UBXN8: variants seen among roughly 807,000 people sequenced by gnomAD.
The protein encoded by UBXN8 is UBX domain-containing protein 8.
A neutral mutation model predicts 32.1 loss-of-function variants in UBXN8; 27 were observed. The observed-to-expected ratio is 0.84, with a 90% CI of 0.62 to 1.16. The LOEUF (loss-of-function observed/expected upper bound fraction) is 1.16, where lower values mean the gene tolerates loss of function less well. UBXN8 is among the 50% of genes most tolerant of loss of function. The probability of loss-of-function intolerance (pLI) is 0.00; values close to 1 mark genes in which losing one functional copy is unlikely to be tolerated. For missense variants in UBXN8, 306 were observed against 311.4 expected (o/e 0.98, Z 0.13); for synonymous variants, 109 against 111.8 (o/e 0.98, Z 0.16).
Position 30,763,316 on chromosome 8 carries a change from G to A in UBXN8, c.614G>A (p.Arg205Lys), listed in dbSNP as rs781653859. The change falls in exon 7 of 8, where the codon AGG becomes AAG. Residue 205 changes from arginine (R) to lysine (K), a missense_variant. Coordinates refer to ENST00000265616, the MANE Select transcript of UBXN8 (RefSeq NM_005671.4). ...CGATGTCCCAGTGGGAATGTCCTGA[G>A]GAGAAGGTTTTTGAAGTCCTACAGC... ...ALRCPSGNVL[R>K]RRFLKSYSSQ... 1.2e-6 allele frequency: 2 copies of A among 1,613,848 alleles called. No individual in the cohort carries two copies. Among genetic ancestry groups the A allele is most frequent in the Non-Finnish European group, 1.7e-6 (2 of 1,179,724 alleles).
Position 30,766,478 on chromosome 8 carries a change from A to AC in UBXN8, c.*85dup. On this transcript the variant is annotated 3_prime_UTR_variant, in exon 8 of 8. Coordinates refer to ENST00000265616, the MANE Select transcript of UBXN8 (RefSeq NM_005671.4). ...AATAAAGGCTTCACTTTCAAATCACACTATACCTTGATTGAGCTCATGGCA... is the reference window on the plus strand; with the variant it reads ...AATAAAGGCTTCACTTTCAAATCACACCTATACCTTGATTGAGCTCATGGCA... 1 of 1,389,096 alleles carries AC rather than the reference A, an allele frequency of 7.2e-7. No homozygotes were observed. Among genetic ancestry groups the AC allele is most frequent in the Non-Finnish European group, 9.5e-7 (1 of 1,051,486 alleles). The allele number at this position is 1,389,096 out of a possible 1,614,324, so 86.0% of individuals were successfully genotyped here. A position where few individuals can be genotyped will look rare whatever the true frequency, so the allele number is the denominator to read the frequency against.
At chr8:30,760,419 TC>T (rs1278473279) in intron 5 of UBXN8, among the ~76,000 whole-genome samples, 1 of 55,094 alleles carries the variant, frequency 1.8e-5, no homozygotes, top group African/African-American at 5.0e-5. Flanking sequence ...GCATACACAA[TC>T]ATATATATAT....
exon 1 of UBXN8, chr8:30,733,181 A>G (rs1414042916): frequency 6.6e-6 from 1 of 152,256 alleles, no homozygotes; most frequent in Non-Finnish European, 1.5e-5. Flanking sequence ...ACCCACAAGG[A>G]GAGAGATTTG....
rs67334347 is a variant in UBXN8, at chr8:30,747,894, C to CTTTTTTTTTTTTTTTTTTTT, written c.89-3497_89-3478dup. On this transcript the variant is annotated intron_variant, in intron 1 of 7. Coordinates refer to ENST00000265616, the MANE Select transcript of UBXN8 (RefSeq NM_005671.4). ...TTTCTTTTTTTAATATATATTTTTT[C>CTTTTTTTTTTTTTTTTTTTT]TTTTTTTTTTTTTTTTTTTTTTTTG... 2.2e-4 allele frequency among the ~76,000 whole-genome samples: 8 copies of CTTTTTTTTTTTTTTTTTTTT among 35,636 alleles called. 1 individual carries two copies. The highest frequency in any genetic ancestry group is 7.3e-4 in the Admixed American group (2 of 2,746). The allele number at this position is 35,636 out of a possible 152,430, so 23.4% of individuals were successfully genotyped here.
chr8:30,739,525 T>C (rs146195257), upstream of UBXN8, among the ~76,000 whole-genome samples: 3,908 of 152,030 alleles, frequency 0.026, 165 homozygotes, highest in African/African-American at 0.09. Context: ...GCCTGGGTGA[T>C]AGAGCGAGAC....
At position 30,759,749 on chromosome 8, in the gene UBXN8, A is replaced by G. The variant is rs191105701; in HGVS notation, c.529-1139A>G. ...AGGCAGGCGGATCACAAGGTCAGGA[A>G]GTCGAGACCATCTTGGCTAACACGG... On this transcript the variant is annotated intron_variant, in intron 5 of 7. Coordinates refer to ENST00000265616, the MANE Select transcript of UBXN8 (RefSeq NM_005671.4). Among the ~76,000 whole-genome samples, 583 of 150,984 alleles carry G rather than the reference A, an allele frequency of 3.9e-3. 2 individuals are homozygous for G. Among genetic ancestry groups the G allele is most frequent in the African/African-American group, 0.013 (536 of 41,280 alleles).
chr8:30,747,598 A>G (rs899438427), intron 1 of UBXN8, among the ~76,000 whole-genome samples: 1 of 141,474 alleles, frequency 7.1e-6, no homozygotes, highest in Non-Finnish European at 1.5e-5. Flanking sequence ...GACGTGAGCC[A>G]CTGCGCCTGG....
upstream of UBXN8, among the ~76,000 whole-genome samples, chr8:30,741,170 G>T (rs1033240860): frequency 6.6e-6 from 1 of 152,086 alleles, no homozygotes; most frequent in Admixed American, 6.6e-5. Flanking sequence ...CAGATTGCTC[G>T]AGCCCAGGAG....
chr8:30,756,938 A>G, intron 5 of UBXN8, 51 bp downstream of exon 5: 1 of 1,607,428 alleles, frequency 6.2e-7, no homozygotes. Flanking sequence ...CAGTAGGAGT[A>G]TTGAACTCTG....
upstream of UBXN8, among the ~76,000 whole-genome samples, chr8:30,741,031 G>A (rs932927384): frequency 3.3e-5 from 5 of 152,090 alleles, no homozygotes; most frequent in African/African-American, 7.2e-5. Context: ...TGGGTGTACC[G>A]TCTCAAACTA....
At chr8:30,751,309 T>A (rs533792897) in intron 1 of UBXN8, 87 bp from the exon 2 acceptor site, 14 of 1,158,142 alleles carry the variant, frequency 1.2e-5, no homozygotes, top group Non-Finnish European at 1.7e-5. Flanking sequence ...AGCTCAGGAG[T>A]TCGAGACCAG....
chr8:30,736,959 T>C (rs1027079004), intron 1 of UBXN8, among the ~76,000 whole-genome samples: 5 of 152,182 alleles, frequency 3.3e-5, no homozygotes, highest in African/African-American at 1.2e-4. Context: ...GTAATCAATG[T>C]CTTAAATGTG....
upstream of UBXN8, among the ~76,000 whole-genome samples, chr8:30,741,488 A>ACTCTATTG (rs113940356): frequency 0.25 from 32,412 of 129,456 alleles, 4,500 homozygotes; most frequent in African/African-American, 0.42. Context: ...ACTGAGTCTC[A>ACTCTATTG]CTCTATTGCC....
At chr8:30,764,877 T>G (rs1310441132) in intron 7 of UBXN8, among the ~76,000 whole-genome samples, 1 of 151,940 alleles carries the variant, frequency 6.6e-6, no homozygotes, top group African/African-American at 2.4e-5. Flanking sequence ...TGGTGAAACC[T>G]TGTCTCTACT....
chr8:30,735,789 A>G (rs1459819923), intron 1 of UBXN8, among the ~76,000 whole-genome samples: 2 of 152,244 alleles, frequency 1.3e-5, no homozygotes, highest in Non-Finnish European at 2.9e-5. Context: ...CAGTGAGCTG[A>G]GATCACACTA....
At chr8:30,729,174 G>C (rs917516334), upstream of UBXN8, among the ~76,000 whole-genome samples, 5 of 152,220 alleles carry the variant, frequency 3.3e-5, 1 homozygote, top group South Asian at 8.3e-4. Context: ...CATCCCTGCG[G>C]GGAACTCCCG....
At chr8:30,742,387 A>G (rs747238091), upstream of UBXN8, among the ~76,000 whole-genome samples, 4 of 152,200 alleles carry the variant, frequency 2.6e-5, no homozygotes, top group African/African-American at 4.8e-5. Context: ...GTCTCACTAT[A>G]TCGCCCAGGC....
chr8:30,756,962 A>G, intron 5 of UBXN8, 75 bp downstream of exon 5: 1 of 1,577,370 alleles, frequency 6.3e-7, no homozygotes, highest in Non-Finnish European at 8.6e-7. Context: ...GAGGTGGTAT[A>G]CTGGGTGAAG....
chr8:30,742,313 C>T (rs888968145), upstream of UBXN8, among the ~76,000 whole-genome samples: 3 of 152,298 alleles, frequency 2.0e-5, no homozygotes, highest in Admixed American at 6.5e-5. Context: ...AAAGCCTCTG[C>T]GGCCCTAGCA....
Sources: allele counts gnomAD v4.1 joint callset (sites outside exome capture counted in the v4.1 genomes callset), GRCh38; gene constraint gnomAD v4.1.1; transcripts MANE v1.5; gene names NCBI Gene and HGNC (gene_info 2026-07-23, HGNC 2026-07-21).